GSDMC: variants seen among roughly 807,000 people sequenced by gnomAD.
The protein encoded by GSDMC is gasdermin-C.
In GSDMC, 59 loss-of-function variants were observed where a neutral mutation model predicts 58.0. The observed-to-expected ratio is 1.02, with a 90% CI of 0.82 to 1.26. GSDMC has a LOEUF of 1.26. GSDMC is among the 50% of genes most tolerant of loss of function. The pLI, the probability that GSDMC is intolerant of heterozygous loss-of-function variation, is 0.00. For missense variants in GSDMC, 659 were observed against 598.5 expected (o/e 1.10, Z -1.06); for synonymous variants, 241 against 220.2 (o/e 1.09, Z -0.83).
At chr8:129,772,505 G>T (rs1033722790) in intron 3 of GSDMC, among the ~76,000 whole-genome samples, 1 of 151,958 alleles carries the variant, frequency 6.6e-6, no homozygotes, top group Non-Finnish European at 1.5e-5. Flanking sequence ...ATTAAATACC[G>T]ACAAACTGGG....
rs928428182 is a variant in GSDMC at position 129,786,602 on chromosome 8, T to C, written c.-596A>G. 2.6e-5 allele frequency: 4 copies of C among 152,102 alleles called. No homozygotes were observed. The highest frequency in any genetic ancestry group is 9.7e-5 in the African/African-American group (4 of 41,366). The allele number at this position is 152,102 out of a possible 1,614,324, so 9.4% of individuals were successfully genotyped here. ...TCTCAAGTCCTCAGCAAAAAGTCTG[T>C]GGAACAAAATCAAGTGGCATCTAAT... On this transcript the variant is annotated 5_prime_UTR_variant, in exon 1 of 14. Transcript: ENST00000276708.
At chr8:129,714,677 A>G in the GSDMC span, among the ~76,000 whole-genome samples, 1 of 152,210 alleles carries the variant, frequency 6.6e-6, no homozygotes, top group South Asian at 2.1e-4. Context: ...TTATAATTAC[A>G]TGGCCAAAAT....
chr8:129,728,154 G>A, the GSDMC span, among the ~76,000 whole-genome samples: 6 of 151,828 alleles, frequency 4.0e-5, no homozygotes, highest in African/African-American at 1.2e-4. Context: ...TCAGAGCACC[G>A]GCTTGCCCAG....
At chr8:129,742,039 C>G in the GSDMC span, among the ~76,000 whole-genome samples, 1 of 150,856 alleles carries the variant, frequency 6.6e-6, no homozygotes, top group Non-Finnish European at 1.5e-5. Context: ...AAGCCAGGCA[C>G]AAAAGGAAAA....
At chr8:129,750,321 C>A (rs780789529) in intron 11 of GSDMC, 110 bp downstream of exon 11, 3 of 1,215,156 alleles carry the variant, frequency 2.5e-6, no homozygotes, top group African/African-American at 1.5e-5. Context: ...CTTTCTCATT[C>A]CCCTGGCATC....
the GSDMC span, among the ~76,000 whole-genome samples, chr8:129,738,653 C>G: frequency 6.6e-6 from 1 of 151,782 alleles, no homozygotes; most frequent in Non-Finnish European, 1.5e-5. Flanking sequence ...TGGGGCCTCT[C>G]GTGGGGTGGG....
chr8:129,740,550 C>T, the GSDMC span, among the ~76,000 whole-genome samples: 1 of 152,142 alleles, frequency 6.6e-6, no homozygotes, highest in African/African-American at 2.4e-5. Context: ...CATTAACATG[C>T]TGTACAGGTT....
At chr8:129,773,442 A>G (rs528881281) in intron 3 of GSDMC, among the ~76,000 whole-genome samples, 1 of 152,358 alleles carries the variant, frequency 6.6e-6, no homozygotes, top group South Asian at 2.1e-4. Context: ...CAAAATCAAC[A>G]TTAAAAATCA....
intron 3 of GSDMC, among the ~76,000 whole-genome samples, chr8:129,773,343 G>T (rs1172896225): frequency 6.6e-6 from 1 of 152,208 alleles, no homozygotes; most frequent in Admixed American, 6.5e-5. Flanking sequence ...CCTGTTTACA[G>T]ATGACACTAT....
chr8:129,745,552 A>G (rs1351527383), downstream of GSDMC, among the ~76,000 whole-genome samples: 1 of 152,152 alleles, frequency 6.6e-6, no homozygotes, highest in Non-Finnish European at 1.5e-5. Context: ...TGGATAAATA[A>G]TGACACTTGT....
At chr8:129,771,209 T>C (rs1233781482) in intron 3 of GSDMC, among the ~76,000 whole-genome samples, 2 of 151,134 alleles carry the variant, frequency 1.3e-5, no homozygotes, top group African/African-American at 2.4e-5. Flanking sequence ...TAAACAGCAA[T>C]ACAATATTAG....
chr8:129,726,730 T>C, the GSDMC span, among the ~76,000 whole-genome samples: 1 of 152,044 alleles, frequency 6.6e-6, no homozygotes, highest in Non-Finnish European at 1.5e-5. Flanking sequence ...GATGTCATAC[T>C]TACCTCCATG....
intron 3 of GSDMC, among the ~76,000 whole-genome samples, chr8:129,769,870 A>G (rs1042535014): frequency 3.3e-5 from 5 of 152,222 alleles, no homozygotes; most frequent in Non-Finnish European, 7.3e-5. Context: ...TCACCACTAG[A>G]TCTGCCTTAC....
chr8:129,769,084 A>AGGAGAGGAG (rs2033964637), intron 3 of GSDMC, among the ~76,000 whole-genome samples: 2 of 145,694 alleles, frequency 1.4e-5, no homozygotes, highest in African/African-American at 5.2e-5. Context: ...TCACAAAGGA[A>AGGAGAGGAG]AGGAGAGGAG....
intron 4 of GSDMC, among the ~76,000 whole-genome samples, chr8:129,763,257 T>C (rs1435978189): frequency 6.6e-6 from 1 of 152,246 alleles, no homozygotes; most frequent in Non-Finnish European, 1.5e-5. Context: ...TCACACTTGA[T>C]TGATATTTTG....
chr8:129,739,538 G>A, the GSDMC span, among the ~76,000 whole-genome samples: 2 of 152,230 alleles, frequency 1.3e-5, no homozygotes, highest in Non-Finnish European at 2.9e-5. Flanking sequence ...TTCTGACAAT[G>A]ACAGGCCACA....
the GSDMC span, among the ~76,000 whole-genome samples, chr8:129,712,069 C>T: frequency 6.6e-6 from 1 of 152,106 alleles, no homozygotes; most frequent in Non-Finnish European, 1.5e-5. Flanking sequence ...CCTGCCTGGG[C>T]ACCATAGCAA....
the GSDMC span, chr8:129,728,802 G>T: frequency 5.6e-6 from 3 of 540,114 alleles, 1 homozygote; most frequent in South Asian, 5.4e-5. Context: ...CACAGGGGCC[G>T]TTGGCCCAGG....
Position 129,762,691 on chromosome 8 carries a change from G to A in GSDMC, c.611C>T (p.Ala204Val), listed in dbSNP as rs200990251. ...QGESLRVKKK[A>V]LTLQKGMVMA... ...CACCATGCCTTTCTGAAGAGTCAGC[G>A]CCTTCTTCTTCACTCTGAGACTCTC... is the stretch of plus-strand genomic sequence containing the variant. The change falls in exon 5 of 14, where the codon GCG becomes GTG. Residue 204 changes from alanine (A) to valine (V), a missense_variant. Transcript: ENST00000276708. 93 of 1,613,720 alleles carry A rather than the reference G, an allele frequency of 5.8e-5. No individual in the cohort carries two copies. In the East Asian group the frequency reaches 1.2e-3, roughly 20 times the overall value.
Sources: allele counts gnomAD v4.1 joint callset (sites outside exome capture counted in the v4.1 genomes callset), GRCh38; gene constraint gnomAD v4.1.1; transcripts MANE v1.5; gene names NCBI Gene and HGNC (gene_info 2026-07-23, HGNC 2026-07-21).